FBLN1: variants seen among roughly 807,000 people sequenced by gnomAD.
FBLN1 encodes the protein fibulin-1.
Under a neutral mutation model 89.7 loss-of-function variants are expected in FBLN1, and 34 were observed. The observed-to-expected ratio is 0.38, with a 90% CI of 0.29 to 0.50. The LOEUF (loss-of-function observed/expected upper bound fraction) is 0.50. FBLN1 is among the 20% of genes least tolerant of loss of function. The probability of loss-of-function intolerance (pLI) is 0.92; values close to 1 mark genes in which losing one functional copy is unlikely to be tolerated. For synonymous variants in FBLN1, 393 were observed against 391.3 expected (o/e 1.00, Z -0.05); for missense variants, 777 against 988.1 (o/e 0.79, Z 2.86).
intron 14 of FBLN1, among the ~76,000 whole-genome samples, chr22:45,570,360 A>AAAAAG (rs2088942654): frequency 1.3e-5 from 2 of 149,024 alleles, no homozygotes; most frequent in East Asian, 1.9e-4. Context: ...GAAAAGAAAA[A>AAAAAG]AAAAAGAAAA....
rs201363192 is a variant in FBLN1 at position 45,568,725 on chromosome 22, A to G, written c.1698-5786A>G. Among the ~76,000 whole-genome samples the G allele has an allele frequency of 1.1e-3, 77 of 67,090 alleles. 4 individuals are homozygous for G. Among genetic ancestry groups the G allele is most frequent in the African/African-American group, 3.4e-3 (42 of 12,492 alleles). The allele number at this position is 67,090 out of a possible 152,430, so 44.0% of individuals were successfully genotyped here. A position where few individuals can be genotyped will look rare whatever the true frequency, so the allele number is the denominator to read the frequency against. On this transcript the variant is annotated intron_variant, in intron 14 of 16. Coordinates refer to ENST00000327858, the MANE Select transcript of FBLN1 (RefSeq NM_006486.3). ...TGTAGGGGAGTGCTCCTTCTGTAGG[A>G]GAATGCTCCTGTAGGGGACTTCTGT...
At position 45,579,984 on chromosome 22, in the gene FBLN1, C is replaced by G. The variant is rs1329756553; in HGVS notation, c.1972+2876C>G. Among the ~76,000 whole-genome samples, 5 of 152,026 alleles carry G rather than the reference C, an allele frequency of 3.3e-5. No homozygotes were observed. Among genetic ancestry groups the G allele is most frequent in the Non-Finnish European group, 7.4e-5 (5 of 68,004 alleles). On this transcript the variant is annotated intron_variant, in intron 16 of 16. Transcript: ENST00000327858. This position sits in a 1 kb window ranked among gnomAD's most constrained non-coding sequence, Gnocchi z 5.5. Reference sequence around the variant, plus strand: ...AGCCCTGAAAACGTGGGGTTGAACCCTTGCCGGCTCCTTACCGTTGCTGGG... The same window carrying G: ...AGCCCTGAAAACGTGGGGTTGAACCGTTGCCGGCTCCTTACCGTTGCTGGG...
At chr22:45,552,166 T>G (rs2088711314) in intron 14 of FBLN1, among the ~76,000 whole-genome samples, 1 of 152,204 alleles carries the variant, frequency 6.6e-6, no homozygotes, top group Admixed American at 6.5e-5. Flanking sequence ...CCGCACAGGC[T>G]CCGCCTTCGG....
rs1474796643 is a variant in FBLN1 at position 45,537,833 on chromosome 22, G to A, written c.922+2496G>A. ...GTGGTTTTCGCTCAGCGCAGGGGGTGGTGAGCAGGGAAGCCATGGGCTCTC... is the reference window on the plus strand; with the variant it reads ...GTGGTTTTCGCTCAGCGCAGGGGGTAGTGAGCAGGGAAGCCATGGGCTCTC... On this transcript the variant is annotated intron_variant, in intron 8 of 16. Coordinates refer to ENST00000327858, the MANE Select transcript of FBLN1 (RefSeq NM_006486.3). This position sits in a 1 kb window ranked among gnomAD's most constrained non-coding sequence, Gnocchi z 5.7. Among the ~76,000 whole-genome samples, 1 of 152,172 alleles carries A rather than the reference G, an allele frequency of 6.6e-6. No individual in the cohort carries two copies. The highest frequency in any genetic ancestry group is 1.5e-5 in the Non-Finnish European group (1 of 68,026).
At chr22:45,503,336 G>A (rs1569229031) in intron 1 of FBLN1, 1 of 236,902 alleles carries the variant, frequency 4.2e-6, no homozygotes, top group East Asian at 7.7e-5. Flanking sequence ...AAATCCAGCC[G>A]GCTCCGGGGG....
At position 45,550,555 on chromosome 22, in the gene FBLN1, A is replaced by G. The variant is rs2146994956; in HGVS notation, c.1637A>G (p.Gln546Arg). 1.2e-6 allele frequency: 2 copies of G among 1,614,122 alleles called. No individual in the cohort carries two copies. Among genetic ancestry groups the G allele is most frequent in the South Asian group, 1.1e-5 (1 of 91,084 alleles). ...ATCAACGAGACCTGCTTCAACATCC[A>G]GGGCGGCTTCCGCTGCCTGGCCTTC... The part of the protein sequence containing the change: ...CSINETCFNI[Q>R]GGFRCLAFEC... Residue 546 changes from glutamine to arginine, a missense_variant, in exon 14 of 17, where the codon CAG becomes CGG. Gln to Arg is a conservative substitution (Grantham distance 43). Coordinates refer to ENST00000327858, the MANE Select transcript of FBLN1 (RefSeq NM_006486.3). The surrounding 1 kb of genome is among the most constrained non-coding windows in gnomAD (Gnocchi z 8.4).
rs58806332 is a variant in FBLN1 at position 45,600,481 on chromosome 22, C to G, written c.*35C>G. ...TGCCGCACAGCCGCAGGTGCACCTC[C>G]AGGCCAAATCATTGCTGCCAGTGAC... On this transcript the variant is annotated 3_prime_UTR_variant, in exon 17 of 17. Coordinates refer to ENST00000327858, the MANE Select transcript of FBLN1 (RefSeq NM_006486.3). The G allele has an allele frequency of 1.6e-3, 2,653 of 1,613,618 alleles. 37 individuals are homozygous for G. The African/African-American group carries it at 0.032, about 19-fold the overall frequency.
chr22:45,524,650 G>A (rs887551759), intron 2 of FBLN1, among the ~76,000 whole-genome samples: 6 of 152,306 alleles, frequency 3.9e-5, no homozygotes, highest in East Asian at 1.9e-4. Context: ...TCAGCCCCCC[G>A]CCGCTTTTTG....
Position 45,550,360 on chromosome 22 carries a change from C to A in FBLN1, c.1574-132C>A. 2 of 1,197,972 alleles carry A rather than the reference C, an allele frequency of 1.7e-6. No individual in the cohort carries two copies. The highest frequency in any genetic ancestry group is 2.5e-6 in the Non-Finnish European group (2 of 815,470). The allele number at this position is 1,197,972 out of a possible 1,614,324, so 74.2% of individuals were successfully genotyped here. A position where few individuals can be genotyped will look rare whatever the true frequency, so the allele number is the denominator to read the frequency against. On this transcript the variant is annotated intron_variant, in intron 13 of 16. Transcript: ENST00000327858. The surrounding 1 kb of genome is among the most constrained non-coding windows in gnomAD (Gnocchi z 8.4). ...ACAGGACGCTGCTCTGAAGATCAGC[C>A]AGTGGAGGGCAGGGATGGCCTGATC... is the stretch of plus-strand genomic sequence containing the variant.
chr22:45,594,268 C>T (rs2089164337), intron 16 of FBLN1, among the ~76,000 whole-genome samples: 2 of 152,066 alleles, frequency 1.3e-5, no homozygotes, highest in Admixed American at 6.6e-5. Context: ...GTGTAGAATT[C>T]GTGATGGGGA....
rs554095967 is a variant in FBLN1 at position 45,570,416 on chromosome 22, A to G, written c.1698-4095A>G. Among the ~76,000 whole-genome samples, 4 of 151,764 alleles carry G rather than the reference A, an allele frequency of 2.6e-5. No individual in the cohort carries two copies. In the South Asian group the frequency reaches 6.2e-4, roughly 24 times the overall value. On this transcript the variant is annotated intron_variant, in intron 14 of 16. Coordinates refer to ENST00000327858, the MANE Select transcript of FBLN1 (RefSeq NM_006486.3). ...AGGAAAATAGAAAAATCGAGTCAGAATTAGAAGAAAACTGAGAAATGAAGT... is the reference window on the plus strand; with the variant it reads ...AGGAAAATAGAAAAATCGAGTCAGAGTTAGAAGAAAACTGAGAAATGAAGT...
chr22:45,537,834 G>T lies in FBLN1; in HGVS notation c.922+2497G>T, dbSNP rs1165179802. On this transcript the variant is annotated intron_variant, in intron 8 of 16. Coordinates refer to ENST00000327858, the MANE Select transcript of FBLN1 (RefSeq NM_006486.3). The surrounding 1 kb of genome is among the most constrained non-coding windows in gnomAD (Gnocchi z 5.7). ...TGGTTTTCGCTCAGCGCAGGGGGTGGTGAGCAGGGAAGCCATGGGCTCTCC... is the reference window on the plus strand; with the variant it reads ...TGGTTTTCGCTCAGCGCAGGGGGTGTTGAGCAGGGAAGCCATGGGCTCTCC... Among the ~76,000 whole-genome samples the T allele has an allele frequency of 6.6e-6, 1 of 152,168 alleles. No homozygotes were observed. Among genetic ancestry groups the T allele is most frequent in the Non-Finnish European group, 1.5e-5 (1 of 68,030 alleles).
chr22:45,521,565 C>G (rs1459465061), intron 2 of FBLN1, among the ~76,000 whole-genome samples: 2 of 152,250 alleles, frequency 1.3e-5, no homozygotes, highest in Non-Finnish European at 2.9e-5. Flanking sequence ...TTCCCCTTTA[C>G]CCTGTTCTCA....
rs532868939 is a variant in FBLN1 at position 45,597,566 on chromosome 22, G to A, written c.1973-2741G>A. Among the ~76,000 whole-genome samples the A allele has an allele frequency of 2.6e-5, 4 of 152,318 alleles. No individual in the cohort carries two copies. The South Asian group carries it at 8.3e-4, about 32-fold the overall frequency. On this transcript the variant is annotated intron_variant, in intron 16 of 16. Transcript: ENST00000327858. This position sits in a 1 kb window ranked among gnomAD's most constrained non-coding sequence, Gnocchi z 4.2. The stretch of plus-strand genomic sequence containing the variant: ...ACGGGGGTACGTTAGGTTCAGCCCT[G>A]TAAGCCCACACTGACCCTGGTGGGC...
rs2088690999 is a variant in FBLN1 at position 45,550,689 on chromosome 22, G to A, written c.1697+74G>A. The stretch of plus-strand genomic sequence containing the variant: ...TGGTGACCCAGTTCCCGGGTGGGTG[G>A]GTTATCAGGCTGTGACCTCGGTGTC... On this transcript the variant is annotated intron_variant, in intron 14 of 16. Transcript: ENST00000327858. The surrounding 1 kb of genome is among the most constrained non-coding windows in gnomAD (Gnocchi z 8.4). 7 of 1,608,790 alleles carry A rather than the reference G, an allele frequency of 4.4e-6. No homozygotes were observed. The highest frequency in any genetic ancestry group is 1.1e-5 in the South Asian group (1 of 90,828).
chr22:45,573,742 C>G (rs2088970630), intron 14 of FBLN1, among the ~76,000 whole-genome samples: 1 of 145,552 alleles, frequency 6.9e-6, no homozygotes, highest in Non-Finnish European at 1.5e-5. Context: ...CTAGGGGTCA[C>G]TGTTGGGTTG....
chr22:45,563,021 G>A lies in FBLN1; in HGVS notation c.1698-11490G>A, dbSNP rs1012975745. 1 of 1,613,496 alleles carries A rather than the reference G, an allele frequency of 6.2e-7. No homozygotes were observed. The highest frequency in any genetic ancestry group is 1.3e-5 in the African/African-American group (1 of 75,030). On this transcript the variant is annotated intron_variant, in intron 14 of 16. Transcript: ENST00000327858. The surrounding 1 kb of genome is among the most constrained non-coding windows in gnomAD (Gnocchi z 5.7). The stretch of plus-strand genomic sequence containing the variant: ...CACCAACATCCAAGCGCCCGCGGTG[G>A]TTTTCCGCATGGGCCCCTCCAGTGC...
At chr22:45,594,027 AGACT>A (rs2089161999) in intron 16 of FBLN1, among the ~76,000 whole-genome samples, 1 of 152,202 alleles carries the variant, frequency 6.6e-6, no homozygotes, top group African/African-American at 2.4e-5. Context: ...GGTCCAGGGA[AGACT>A]TCTGTGAAGA....
In FBLN1 at chr22:45,532,880, G is replaced by T; in HGVS notation, c.545-183G>T. 1 of 638,370 alleles carries T rather than the reference G, an allele frequency of 1.6e-6. No homozygotes were observed. Among genetic ancestry groups the T allele is most frequent in the South Asian group, 1.8e-5 (1 of 55,950 alleles). 39.5% of individuals were successfully genotyped at this position (638,370 alleles called of 1,614,324 possible). ...GGACCTGAAGCAGCAGCCCCTGGGG[G>T]GTGTCCAGAGCCAGAGCCTGGGGGT... On this transcript the variant is annotated intron_variant, in intron 5 of 16. Coordinates refer to ENST00000327858, the MANE Select transcript of FBLN1 (RefSeq NM_006486.3). The surrounding 1 kb of genome is among the most constrained non-coding windows in gnomAD (Gnocchi z 4.2).
Sources: allele counts gnomAD v4.1 joint callset (sites outside exome capture counted in the v4.1 genomes callset), GRCh38; gene constraint gnomAD v4.1.1; non-coding constraint Gnocchi (gnomAD v3.1); transcripts MANE v1.5; gene names NCBI Gene and HGNC (gene_info 2026-07-23, HGNC 2026-07-21).